The following PCDHGA3 variants were observed in gnomAD, a reference collection of about 807,000 sequenced individuals.
PCDHGA3 encodes protocadherin gamma-A3.
PCDHGA3 carries 40 observed loss-of-function variants against 58.5 expected under a neutral mutation model. The ratio of observed to expected loss-of-function variants is 0.68; its 90% CI spans 0.53 to 0.89. The LOEUF is 0.89. Ranked by LOEUF, PCDHGA3 falls within the 40% of genes least tolerant of loss-of-function variation. PCDHGA3 has a pLI of 0.00. For synonymous variants in PCDHGA3, 530 were observed against 525.7 expected (o/e 1.01, Z -0.11); for missense variants, 1,223 against 1,195.9 (o/e 1.02, Z -0.33).
intron 1 of PCDHGA3, chr5:141,394,001 G>T: frequency 6.2e-7 from 1 of 1,613,458 alleles, no homozygotes; most frequent in Non-Finnish European, 8.5e-7. Flanking sequence ...AATTAGAAAA[G>T]TCAATAGGTA....
At chr5:141,377,551 G>A (rs949060522) in intron 1 of PCDHGA3, 1 of 151,380 alleles carries the variant, frequency 6.6e-6, no homozygotes, top group Non-Finnish European at 1.5e-5. Flanking sequence ...AGATATAATT[G>A]TGTCACTGCA....
chr5:141,482,530 C>CAAAAAAAAAAAAAAAAA (rs3074545), intron 1 of PCDHGA3, among the ~76,000 whole-genome samples: 1 of 76,562 alleles, frequency 1.3e-5, no homozygotes, highest in African/African-American at 4.8e-5. Flanking sequence ...GACAGACATG[C>CAAAAAAAAAAAAAAAAA]AAAAAAAAAA....
Position 141,447,434 on chromosome 5 carries a change from G to A in PCDHGA3, c.2425-47373G>A, listed in dbSNP as rs114249648. ...ATTACAGGCGTGAGCCACCGCACCC[G>A]GAGGAAATTTTTAACCTCAGTTTTT... On this transcript the variant is annotated intron_variant, in intron 1 of 3. Transcript: ENST00000253812. 2.8e-3 allele frequency among the ~76,000 whole-genome samples: 425 copies of A among 152,164 alleles called. 1 individual carries two copies. The highest frequency in any genetic ancestry group is 9.5e-3 in the African/African-American group (394 of 41,546).
intron 1 of PCDHGA3, among the ~76,000 whole-genome samples, chr5:141,387,387 G>C (rs2090926240): frequency 6.6e-6 from 1 of 152,214 alleles, no homozygotes; most frequent in Non-Finnish European, 1.5e-5. Context: ...TATATAGATA[G>C]TGCATGTTTG....
At chr5:141,433,211 T>TC in intron 1 of PCDHGA3, 1 of 1,568,160 alleles carries the variant, frequency 6.4e-7, no homozygotes, top group Non-Finnish European at 8.6e-7. Context: ...CTTCTTTCTT[T>TC]TTTTTTTTTA....
intron 1 of PCDHGA3, chr5:141,382,678 C>T (rs1778365964): frequency 2.3e-6 from 1 of 439,006 alleles, no homozygotes; most frequent in African/African-American, 2.0e-5. Flanking sequence ...TGTTCACCAA[C>T]CAGGGAAAAA....
At chr5:141,347,552 T>G (rs13357694) in intron 1 of PCDHGA3, among the ~76,000 whole-genome samples, 1 of 151,966 alleles carries the variant, frequency 6.6e-6, no homozygotes, top group Non-Finnish European at 1.5e-5. Context: ...TTTGGGAGGC[T>G]GAGGCAGGTG....
In PCDHGA3 at chr5:141,439,058, TGGCA is replaced by T. The variant is rs1241503235; in HGVS notation, c.2425-55745_2425-55742del. On this transcript the variant is annotated intron_variant, in intron 1 of 3. Transcript: ENST00000253812. ...CAGTTCATAAGATTTCCATATTGTG[TGGCA>T]GGCGCCTGTAATCCCAGCTACTCAG... 2.0e-5 allele frequency among the ~76,000 whole-genome samples: 3 copies of T among 151,580 alleles called. No individual in the cohort carries two copies. The East Asian group carries it at 5.9e-4, about 30-fold the overall frequency.
chr5:141,404,513 G>C, intron 1 of PCDHGA3: 2 of 1,613,786 alleles, frequency 1.2e-6, no homozygotes, highest in Non-Finnish European at 8.5e-7. Context: ...GTGCTCCTTT[G>C]ACTATGAGCA....
intron 1 of PCDHGA3, chr5:141,399,640 G>A: frequency 6.2e-7 from 1 of 1,613,836 alleles, no homozygotes; most frequent in Non-Finnish European, 8.5e-7. Flanking sequence ...GTCCATGAGC[G>A]CGCAAAGTGG....
Position 141,477,202 on chromosome 5 carries a change from C to G in PCDHGA3, c.2425-17605C>G. 1 of 1,614,182 alleles carries G rather than the reference C, an allele frequency of 6.2e-7. No homozygotes were observed. The highest frequency in any genetic ancestry group is 1.1e-5 in the South Asian group (1 of 91,074). On this transcript the variant is annotated intron_variant, in intron 1 of 3. Transcript: ENST00000253812. This position sits in a 1 kb window ranked among gnomAD's most constrained non-coding sequence, Gnocchi z 4.9. ...TCACCTCCGTGTACAGCCCAGTACC[C>G]GAGGATGCCCCTCTGGGGACTGTCA...
intron 1 of PCDHGA3, chr5:141,360,157 T>G (rs185682995): frequency 6.2e-7 from 1 of 1,603,294 alleles, no homozygotes; most frequent in African/African-American, 1.3e-5. Context: ...CTCAGGGAGG[T>G]GCGGGCTGGT....
intron 1 of PCDHGA3, chr5:141,403,838 G>C: frequency 6.2e-7 from 1 of 1,613,710 alleles, no homozygotes; most frequent in Non-Finnish European, 8.5e-7. Context: ...CCAGCTTAAT[G>C]AAAATACTGG....
At chr5:141,453,205 G>C (rs570291941) in intron 1 of PCDHGA3, among the ~76,000 whole-genome samples, 2 of 151,872 alleles carry the variant, frequency 1.3e-5, no homozygotes, top group Non-Finnish European at 2.9e-5. Context: ...CCTCAACCTC[G>C]TGCACTTAAG....
intron 1 of PCDHGA3, chr5:141,384,644 C>G (rs757384812): frequency 6.2e-7 from 1 of 1,614,234 alleles, no homozygotes; most frequent in Non-Finnish European, 8.5e-7. Flanking sequence ...CCCCGCTCCG[C>G]AGAGCCCGGC....
At chr5:141,502,978 G>T (rs1004984942) in intron 2 of PCDHGA3, among the ~76,000 whole-genome samples, 1 of 150,096 alleles carries the variant, frequency 6.7e-6, no homozygotes, top group Non-Finnish European at 1.5e-5. Context: ...CAAGTAGCTG[G>T]GATTACAGGC....
intron 1 of PCDHGA3, chr5:141,376,412 G>C: frequency 6.2e-7 from 1 of 1,614,166 alleles, no homozygotes; most frequent in East Asian, 2.2e-5. Flanking sequence ...CAACTATGCC[G>C]ACACGCTTAT....
Position 141,344,939 on chromosome 5 carries a change from A to G in PCDHGA3, c.906A>G (p.Ser302=). ...TTAACTCAGTGAGTGGAGAAGTATC[A>G]ATATTAAAAAGTCTAGATTATGAGG... ...FHLNSVSGEV[S]ILKSLDYEDA... Residue 302 remains serine, a synonymous_variant, in exon 1 of 4, where the codon TCA becomes TCG. Transcript: ENST00000253812. 5.6e-6 allele frequency: 9 copies of G among 1,613,932 alleles called. No homozygotes were observed. The highest frequency in any genetic ancestry group is 1.7e-5 in the Admixed American group (1 of 60,020).
At chr5:141,357,316 G>A (rs758354244) in intron 1 of PCDHGA3, 1 of 1,614,060 alleles carries the variant, frequency 6.2e-7, no homozygotes, top group Admixed American at 1.7e-5. Context: ...CGTCTTCCTG[G>A]CTTTTGTCAC....
Sources: gnomAD v4.1 joint callset for allele counts (sites outside exome capture counted in the v4.1 genomes callset) on GRCh38, gnomAD v4.1.1 for gene constraint, Gnocchi (gnomAD v3.1) non-coding constraint, MANE v1.5 for transcripts, NCBI Gene and HGNC (gene_info 2026-07-23, HGNC 2026-07-21) for gene names.